RABGAP1L: variants seen among roughly 807,000 people sequenced by gnomAD.
RABGAP1L encodes the protein rab GTPase-activating protein 1-like.
In RABGAP1L, 63 loss-of-function variants were observed where a neutral mutation model predicts 137.7. The observed-to-expected ratio is 0.46, with a 90% CI of 0.37 to 0.56. The LOEUF (loss-of-function observed/expected upper bound fraction) is 0.56. RABGAP1L is among the 20% of genes least tolerant of loss of function. The pLI is 0.00. For missense variants in RABGAP1L, 1,095 were observed against 1,244.0 expected (o/e 0.88, Z 1.80); for synonymous variants, 431 against 433.7 (o/e 0.99, Z 0.08).
intron 13 of RABGAP1L, among the ~76,000 whole-genome samples, chr1:174,616,767 G>A (rs986239149): frequency 6.6e-6 from 1 of 152,162 alleles, no homozygotes; most frequent in African/African-American, 2.4e-5. Context: ...TTTTAAATGT[G>A]GAATGAAAGT....
At chr1:174,526,999 T>A (rs1359198996) in intron 13 of RABGAP1L, among the ~76,000 whole-genome samples, 1 of 152,126 alleles carries the variant, frequency 6.6e-6, no homozygotes, top group Non-Finnish European at 1.5e-5. Flanking sequence ...TTTTGCTATA[T>A]CCCACACATC....
At chr1:174,311,455 C>A (rs1399271920) in intron 11 of RABGAP1L, among the ~76,000 whole-genome samples, 3 of 152,122 alleles carry the variant, frequency 2.0e-5, no homozygotes, top group East Asian at 3.8e-4. Context: ...TATCATCATC[C>A]TTCTACTCTC....
In RABGAP1L at chr1:174,482,148, G is replaced by A. The variant is rs567769051; in HGVS notation, c.1710+88003G>A. Among the ~76,000 whole-genome samples, 8 of 152,290 alleles carry A rather than the reference G, an allele frequency of 5.3e-5. No individual in the cohort carries two copies. The South Asian group carries it at 1.7e-3, about 32-fold the overall frequency. ...AAGAAAAGAACCATGAGCAAGGAATGTGGGAAACCTTTAAAAACTAGGAAA... is the reference window on the plus strand; with the variant it reads ...AAGAAAAGAACCATGAGCAAGGAATATGGGAAACCTTTAAAAACTAGGAAA... On this transcript the variant is annotated intron_variant, in intron 13 of 25. Transcript: ENST00000681986.
At chr1:174,554,490 G>C (rs1318384347) in intron 13 of RABGAP1L, among the ~76,000 whole-genome samples, 1 of 152,150 alleles carries the variant, frequency 6.6e-6, no homozygotes, top group African/African-American at 2.4e-5. Flanking sequence ...TTGTAAATGA[G>C]TTCCTTGAAA....
At chr1:174,789,774 GAATT>G (rs944060021) in intron 18 of RABGAP1L, among the ~76,000 whole-genome samples, 1 of 152,194 alleles carries the variant, frequency 6.6e-6, no homozygotes, top group Non-Finnish European at 1.5e-5. Flanking sequence ...GAAAATGAAT[GAATT>G]AATAGAAGAA....
chr1:174,369,215 G>T (rs2148993250), intron 11 of RABGAP1L, among the ~76,000 whole-genome samples: 1 of 151,866 alleles, frequency 6.6e-6, no homozygotes. Flanking sequence ...TTTGAGATGA[G>T]GTCTCACTCT....
intron 15 of RABGAP1L, among the ~76,000 whole-genome samples, chr1:174,693,122 G>T (rs1177017938): frequency 6.6e-6 from 1 of 152,138 alleles, no homozygotes; most frequent in Non-Finnish European, 1.5e-5. Flanking sequence ...TAGATTCTTA[G>T]TAAACCAAAA....
chr1:174,412,265 A>G (rs894248951), intron 13 of RABGAP1L, among the ~76,000 whole-genome samples: 6 of 152,014 alleles, frequency 3.9e-5, no homozygotes, highest in African/African-American at 1.2e-4. Flanking sequence ...AGTGTGTTTT[A>G]TCTAATATAA....
intron 13 of RABGAP1L, among the ~76,000 whole-genome samples, chr1:174,579,816 G>A (rs994304650): frequency 1.3e-5 from 2 of 152,190 alleles, no homozygotes; most frequent in East Asian, 1.9e-4. Context: ...AAGCTGGAGT[G>A]CAAGGCACTA....
At chr1:174,338,932 G>C (rs910715924) in intron 11 of RABGAP1L, among the ~76,000 whole-genome samples, 3 of 152,072 alleles carry the variant, frequency 2.0e-5, no homozygotes, top group African/African-American at 7.2e-5. Context: ...TTACTATTTG[G>C]TTCTTTACAG....
chr1:174,762,130 G>A (rs563443065), intron 18 of RABGAP1L, among the ~76,000 whole-genome samples: 1 of 151,974 alleles, frequency 6.6e-6, no homozygotes, highest in Non-Finnish European at 1.5e-5. Context: ...AGGGAAGGGC[G>A]GTAGGAGATG....
chr1:174,275,724 G>A (rs974005177), intron 8 of RABGAP1L, 109 bp from the exon 9 acceptor site: 25 of 705,552 alleles, frequency 3.5e-5, no homozygotes, highest in Non-Finnish European at 5.3e-5. Flanking sequence ...GCTCCTGCTT[G>A]ACTGTTAATC....
intron 19 of RABGAP1L, chr1:174,897,197 C>A (rs1390105700): frequency 6.6e-6 from 1 of 152,112 alleles, no homozygotes; most frequent in Non-Finnish European, 1.5e-5. Flanking sequence ...CTCTTTGAAG[C>A]AATTGTGAAT....
intron 4 of RABGAP1L, among the ~76,000 whole-genome samples, 162 bp downstream of exon 4, chr1:174,231,517 A>T (rs973717909): frequency 3.9e-5 from 6 of 152,212 alleles, no homozygotes; most frequent in African/African-American, 1.4e-4. Flanking sequence ...TGAAAGGGGC[A>T]TTTGAACAAT....
chr1:174,597,991 T>G (rs556642173), intron 13 of RABGAP1L, among the ~76,000 whole-genome samples: 1 of 152,220 alleles, frequency 6.6e-6, no homozygotes, highest in Non-Finnish European at 1.5e-5. Context: ...TTTCTAGTTT[T>G]ATTCCATTGT....
At chr1:174,699,746 T>C in intron 16 of RABGAP1L, 96 bp downstream of exon 16, 5 of 1,191,296 alleles carry the variant, frequency 4.2e-6, no homozygotes, top group Non-Finnish European at 5.9e-6. Flanking sequence ...TATAGAAGTT[T>C]AATGGAATAT....
chr1:174,442,975 C>T (rs947692511), intron 13 of RABGAP1L, among the ~76,000 whole-genome samples: 1 of 152,088 alleles, frequency 6.6e-6, no homozygotes, highest in East Asian at 1.9e-4. Context: ...CAACATTTGT[C>T]TTTCTGTGCC....
chr1:174,800,564 G>A, intron 18 of RABGAP1L: 4 of 1,514,672 alleles, frequency 2.6e-6, no homozygotes, highest in Non-Finnish European at 3.5e-6. Context: ...AAAATTCCTT[G>A]TATCTCTGAA....
intron 14 of RABGAP1L, among the ~76,000 whole-genome samples, chr1:174,669,556 C>T (rs969548297): frequency 6.6e-6 from 1 of 152,100 alleles, no homozygotes; most frequent in Non-Finnish European, 1.5e-5. Context: ...AAAATCATTG[C>T]CCAGACCAAT....
Sources: allele counts gnomAD v4.1 joint callset (sites outside exome capture counted in the v4.1 genomes callset), GRCh38; gene constraint gnomAD v4.1.1; transcripts MANE v1.5; gene names NCBI Gene and HGNC (gene_info 2026-07-23, HGNC 2026-07-21).